The following RBM4 variants were observed in gnomAD, a reference collection of about 807,000 sequenced individuals.
RBM4 encodes the protein RNA binding motif protein 4, also known as RNA-binding protein 4.
In RBM4, 7 loss-of-function variants were observed where a neutral mutation model predicts 29.5. The observed-to-expected ratio is 0.24, with a 90% CI of 0.14 to 0.45. The LOEUF (loss-of-function observed/expected upper bound fraction) is 0.45, where lower values mean the gene tolerates loss of function less well. Ranked by LOEUF, RBM4 falls within the 20% of genes least tolerant of loss-of-function variation. The probability of loss-of-function intolerance (pLI) is 1.00; values close to 1 mark genes in which losing one functional copy is unlikely to be tolerated. For missense variants in RBM4, 387 were observed against 502.3 expected (o/e 0.77, Z 2.19); for synonymous variants, 220 against 205.4 (o/e 1.07, Z -0.61).
At chr11:66,639,341 C>G (rs1263694795) in intron 1 of RBM4, 1 of 211,506 alleles carries the variant, frequency 4.7e-6, no homozygotes, top group Non-Finnish European at 9.4e-6. Flanking sequence ...AGGCAGTCAG[C>G]AAGCCTAGTA....
chr11:66,655,502 G>C (rs1938932015), intron 2 of RBM4, among the ~76,000 whole-genome samples: 1 of 152,044 alleles, frequency 6.6e-6, no homozygotes, highest in Non-Finnish European at 1.5e-5. Flanking sequence ...CGGTGCTCTT[G>C]AACTCCTGGG....
chr11:66,644,911 C>T (rs1211912487), intron 3 of RBM4, among the ~76,000 whole-genome samples: 1 of 151,938 alleles, frequency 6.6e-6, no homozygotes, highest in Non-Finnish European at 1.5e-5. Flanking sequence ...ACAGCCCAGC[C>T]TGTCACTTAC....
At chr11:66,662,396 T>A (rs1328280845) in intron 2 of RBM4, among the ~76,000 whole-genome samples, 1 of 151,914 alleles carries the variant, frequency 6.6e-6, no homozygotes, top group Admixed American at 6.6e-5. Flanking sequence ...ATCAAGATAC[T>A]TTTATTTATT....
chr11:66,652,270 T>A (rs1029288019), intron 2 of RBM4: 1 of 152,138 alleles, frequency 6.6e-6, no homozygotes, highest in Non-Finnish European at 1.5e-5. Flanking sequence ...TTTTTTTGTA[T>A]TTTTAGTAGA....
intron 2 of RBM4, among the ~76,000 whole-genome samples, chr11:66,659,037 T>A (rs576450362): frequency 1.1e-3 from 156 of 146,014 alleles, no homozygotes; most frequent in Middle Eastern, 3.6e-3. Flanking sequence ...TACATTAAAA[T>A]TTTTTTTTTT....
At chr11:66,666,848 G>C (rs1939253367) in exon 3 of RBM4, 1 of 152,010 alleles carries the variant, frequency 6.6e-6, no homozygotes, top group South Asian at 2.1e-4. Context: ...ACTTATTACA[G>C]GTTCATAACA....
At chr11:66,648,738 G>C (rs766251879), downstream of RBM4, among the ~76,000 whole-genome samples, 1 of 151,808 alleles carries the variant, frequency 6.6e-6, no homozygotes, top group African/African-American at 2.4e-5. Context: ...CTTGGAACCC[G>C]GGAGGTGGAG....
chr11:66,645,320 T>C (rs1399301540), intron 3 of RBM4, among the ~76,000 whole-genome samples: 1 of 152,236 alleles, frequency 6.6e-6, no homozygotes, highest in Non-Finnish European at 1.5e-5. Flanking sequence ...GCTCCCAGTA[T>C]GTCCCACACA....
rs750475270 is a variant in RBM4, at chr11:66,643,851, T to G, written c.814T>G (p.Tyr272Asp). 2 of 1,613,874 alleles carry G rather than the reference T, an allele frequency of 1.2e-6. No individual in the cohort carries two copies. Among genetic ancestry groups the G allele is most frequent in the South Asian group, 2.2e-5 (2 of 91,076 alleles). The change falls in exon 3 of 4, where the codon TAC becomes GAC. Residue 272 changes from tyrosine to aspartate, a missense_variant. By Grantham distance (160) the Tyr-to-Asp change is radical. Transcript: ENST00000310092. This position sits in a 1 kb window ranked among gnomAD's most constrained non-coding sequence, Gnocchi z 6.1. ...CCTCACCTCCACCTCTCTCGATCCC[T>G]ACGATAGACACCTGTTGCCGACCTC... The part of the protein sequence containing the change: ...SHLTSTSLDP[Y>D]DRHLLPTSGA...
chr11:66,658,171 G>A (rs1938989783), intron 2 of RBM4, among the ~76,000 whole-genome samples: 1 of 151,890 alleles, frequency 6.6e-6, no homozygotes, highest in African/African-American at 2.4e-5. Context: ...TGGGATTACA[G>A]GCATGCACCA....
Position 66,639,975 on chromosome 11 carries a change from C to G in RBM4, c.264C>G (p.Thr88=), listed in dbSNP as rs1043371. The change falls in exon 2 of 4, where the codon ACC becomes ACG. Residue 88 remains threonine, a synonymous_variant. Coordinates refer to ENST00000310092, the MANE Select transcript of RBM4 (RefSeq NM_002896.4). ...TKLHVGNISP[T]CTNKELRAKF... is the part of the protein sequence containing the mutation. ...TGCATGTGGGCAACATCAGTCCCAC[C>G]TGCACCAATAAGGAGCTTCGAGCCA... is the stretch of plus-strand genomic sequence containing the variant. The G allele has an allele frequency of 6.2e-7, 1 of 1,614,198 alleles. No homozygotes were observed.
At chr11:66,641,784 T>C (rs937365163) in intron 2 of RBM4, among the ~76,000 whole-genome samples, 1 of 152,252 alleles carries the variant, frequency 6.6e-6, no homozygotes, top group Non-Finnish European at 1.5e-5. Flanking sequence ...TGTATATTGA[T>C]GAGCAGTAGT....
Position 66,639,987 on chromosome 11 carries a change from G to A in RBM4, c.276G>A (p.Lys92=). Residue 92 remains lysine, a synonymous_variant, in exon 2 of 4, where the codon AAG becomes AAA. Transcript: ENST00000310092. The part of the protein sequence containing the change: ...VGNISPTCTN[K]ELRAKFEEYG... ...ACATCAGTCCCACCTGCACCAATAA[G>A]GAGCTTCGAGCCAAGTTTGAGGAGT... is the stretch of plus-strand genomic sequence containing the variant. 7 of 1,614,166 alleles carry A rather than the reference G, an allele frequency of 4.3e-6. No homozygotes were observed. Among genetic ancestry groups the A allele is most frequent in the Non-Finnish European group, 5.9e-6 (7 of 1,180,040 alleles).
At position 66,666,057 on chromosome 11, in the gene RBM4, G is replaced by A. The variant is rs117591434; in HGVS notation, c.*92G>A. The A allele has an allele frequency of 3.1e-3, 3,517 of 1,149,922 alleles. 14 individuals are homozygous for A. The highest frequency in any genetic ancestry group is 3.9e-3 in the Non-Finnish European group (3,208 of 827,250). The allele number at this position is 1,149,922 out of a possible 1,614,324, so 71.2% of individuals were successfully genotyped here. On this transcript the variant is annotated 3_prime_UTR_variant, in exon 3 of 3. Coordinates refer to the RBM4 transcript ENST00000396053. Reference sequence around the variant, plus strand: ...CTTTCAGAAATGATGGTCACAAGGGGTAGGATATCAAGGAGCAGCCAGTCA... The same window carrying A: ...CTTTCAGAAATGATGGTCACAAGGGATAGGATATCAAGGAGCAGCCAGTCA...
At chr11:66,650,821 C>G (rs988961690), downstream of RBM4, among the ~76,000 whole-genome samples, 1 of 152,154 alleles carries the variant, frequency 6.6e-6, no homozygotes, top group South Asian at 2.1e-4. Context: ...TGAGATTGCG[C>G]CACTGCACTC....
downstream of RBM4, among the ~76,000 whole-genome samples, chr11:66,646,938 G>T (rs1307629460): frequency 6.6e-6 from 1 of 152,196 alleles, no homozygotes; most frequent in Non-Finnish European, 1.5e-5. Flanking sequence ...ATGTGTTGAT[G>T]CCTTTCACCA....
chr11:66,639,503 T>C, intron 1 of RBM4, 197 bp from the exon 2 acceptor site: 1 of 691,618 alleles, frequency 1.4e-6, no homozygotes, highest in Non-Finnish European at 2.4e-6. Context: ...AGACGTCTTC[T>C]TATTCTTACA....
chr11:66,647,494 A>C (rs946165655), downstream of RBM4, among the ~76,000 whole-genome samples: 5 of 152,056 alleles, frequency 3.3e-5, no homozygotes, highest in Non-Finnish European at 5.9e-5. Flanking sequence ...TTCCCAGCAA[A>C]TGTTTTTCCT....
At chr11:66,639,455 T>C in intron 1 of RBM4, 2 of 557,762 alleles carry the variant, frequency 3.6e-6, no homozygotes, top group South Asian at 4.9e-5. Context: ...GTATCGGTTC[T>C]TACCAAACCC....
Sources: allele counts gnomAD v4.1 joint callset (sites outside exome capture counted in the v4.1 genomes callset), GRCh38; gene constraint gnomAD v4.1.1; non-coding constraint Gnocchi (gnomAD v3.1); transcripts MANE v1.5; gene names NCBI Gene and HGNC (gene_info 2026-07-23, HGNC 2026-07-21).